OR2L13: variants seen among roughly 807,000 people sequenced by gnomAD.
OR2L13 encodes the protein olfactory receptor family 2 subfamily L member 13.
A neutral mutation model predicts 15.3 loss-of-function variants in OR2L13; 14 were observed. The observed-to-expected ratio is 0.91, with a 90% CI of 0.60 to 1.43. The LOEUF (loss-of-function observed/expected upper bound fraction) is 1.43, where lower values mean the gene tolerates loss of function less well. Ranked by LOEUF, OR2L13 falls within the 40% of genes most tolerant of loss-of-function variation. The probability of loss-of-function intolerance (pLI) is 0.00; values close to 1 mark genes in which losing one functional copy is unlikely to be tolerated. For synonymous variants in OR2L13, 152 were observed against 142.9 expected (o/e 1.06, Z -0.45); for missense variants, 367 against 387.9 (o/e 0.95, Z 0.45).
the OR2L13 span, among the ~76,000 whole-genome samples, chr1:247,942,122 CT>C: frequency 3.0e-4 from 46 of 152,174 alleles, no homozygotes; most frequent in African/African-American, 1.1e-3. Context: ...TGGTCTCAAA[CT>C]CATGGGTGCA....
At chr1:248,071,946 A>T in the OR2L13 span, among the ~76,000 whole-genome samples, 2 of 151,634 alleles carry the variant, frequency 1.3e-5, no homozygotes, top group African/African-American at 4.8e-5. Flanking sequence ...CTTCAAGGAG[A>T]ACTACAAACC....
the OR2L13 span, among the ~76,000 whole-genome samples, chr1:248,045,052 G>A: frequency 6.6e-6 from 1 of 152,150 alleles, no homozygotes; most frequent in African/African-American, 2.4e-5. Flanking sequence ...CTGTGCCACT[G>A]TCTCTTGCTC....
At chr1:247,967,067 G>A in the OR2L13 span, among the ~76,000 whole-genome samples, 8 of 55,418 alleles carry the variant, frequency 1.4e-4, no homozygotes, top group East Asian at 2.3e-3. Context: ...ACACACACAC[G>A]AGGTGCACAC....
chr1:248,071,869 C>T, the OR2L13 span, among the ~76,000 whole-genome samples: 1 of 151,198 alleles, frequency 6.6e-6, no homozygotes, highest in Non-Finnish European at 1.5e-5. Context: ...AGTGAACTCC[C>T]ATTCACAATT....
the OR2L13 span, chr1:247,975,773 A>G: frequency 5.2e-6 from 2 of 380,954 alleles, no homozygotes; most frequent in East Asian, 4.1e-5. Context: ...ATTACTCTAG[A>G]AAATTTTTTA....
chr1:248,097,675 G>A (rs912952811), intron 1 of OR2L13, among the ~76,000 whole-genome samples: 9 of 152,156 alleles, frequency 5.9e-5, no homozygotes, highest in Non-Finnish European at 1.3e-4. Context: ...CTCCAGGATG[G>A]AACACATAAA....
the OR2L13 span, among the ~76,000 whole-genome samples, chr1:247,983,417 C>A: frequency 6.6e-6 from 1 of 152,102 alleles, no homozygotes; most frequent in Admixed American, 6.6e-5. Flanking sequence ...TGTACAACAT[C>A]ATTAATGCTG....
At chr1:247,946,120 T>C in the OR2L13 span, among the ~76,000 whole-genome samples, 1 of 152,182 alleles carries the variant, frequency 6.6e-6, no homozygotes, top group Admixed American at 6.5e-5. Context: ...ATACTATTGT[T>C]AATAAAATGA....
the OR2L13 span, chr1:247,974,899 A>G: frequency 4.0e-6 from 1 of 250,976 alleles, no homozygotes; most frequent in Admixed American, 4.0e-5. Flanking sequence ...TTGGACACTC[A>G]TCTCCACACG....
the OR2L13 span, among the ~76,000 whole-genome samples, chr1:248,018,098 T>G: frequency 2.0e-5 from 3 of 148,140 alleles, no homozygotes; most frequent in Admixed American, 6.7e-5. Flanking sequence ...GAGCTTGCAG[T>G]GAGCCGAGAT....
chr1:248,100,942 T>C, exon 3 of OR2L13: 1 of 158,706 alleles, frequency 6.3e-6, no homozygotes. Flanking sequence ...TGTTTCTTTA[T>C]CTGTTGGCTC....
chr1:248,044,092 C>A, the OR2L13 span, among the ~76,000 whole-genome samples: 9 of 152,090 alleles, frequency 5.9e-5, no homozygotes, highest in Non-Finnish European at 8.8e-5. Flanking sequence ...TCTAGGAATA[C>A]CAAACTTTCT....
chr1:248,035,637 A>G, the OR2L13 span: 2 of 152,122 alleles, frequency 1.3e-5, no homozygotes, highest in South Asian at 2.1e-4. Context: ...AAGGACTTCA[A>G]ATTTTCTTAC....
chr1:248,037,549 A>C, the OR2L13 span, among the ~76,000 whole-genome samples: 1 of 152,198 alleles, frequency 6.6e-6, no homozygotes, highest in Non-Finnish European at 1.5e-5. Context: ...ATTTCTTAGA[A>C]AAACTTTGGT....
chr1:248,066,267 C>T, the OR2L13 span, among the ~76,000 whole-genome samples: 40 of 152,236 alleles, frequency 2.6e-4, 1 homozygote, highest in African/African-American at 8.7e-4. Context: ...ATATGCTTTT[C>T]CCTCGTTAAT....
the OR2L13 span, chr1:248,042,135 G>A: frequency 6.6e-6 from 1 of 152,082 alleles, no homozygotes; most frequent in Non-Finnish European, 1.5e-5. Flanking sequence ...ACTGGATTAA[G>A]AAAATGTGGC....
At chr1:248,038,969 G>A in the OR2L13 span, 1 of 1,614,146 alleles carries the variant, frequency 6.2e-7, no homozygotes, top group Non-Finnish European at 8.5e-7. Context: ...AAGGGAGGAA[G>A]AAGGCCTATT....
the OR2L13 span, among the ~76,000 whole-genome samples, chr1:248,017,136 T>C: frequency 1.3e-5 from 2 of 152,190 alleles, no homozygotes; most frequent in African/African-American, 2.4e-5. Context: ...TTAATGCTGA[T>C]GCCCAGGTAT....
chr1:248,067,838 G>T, the OR2L13 span, among the ~76,000 whole-genome samples: 5 of 152,178 alleles, frequency 3.3e-5, no homozygotes, highest in Non-Finnish European at 7.3e-5. Flanking sequence ...GCGCCAGGAG[G>T]TTATATCCCA....
Sources: gnomAD v4.1 joint callset for allele counts (sites outside exome capture counted in the v4.1 genomes callset) on GRCh38, gnomAD v4.1.1 for gene constraint, MANE v1.5 for transcripts, NCBI Gene and HGNC (gene_info 2026-07-23, HGNC 2026-07-21) for gene names.